CCDC38: variants seen among roughly 807,000 people sequenced by gnomAD.
The protein encoded by CCDC38 is coiled-coil domain containing 38, also known as coiled-coil domain-containing protein 38.
In CCDC38, 69 loss-of-function variants were observed where a neutral mutation model predicts 72.8. The observed-to-expected ratio is 0.95, with a 90% CI of 0.78 to 1.16. The LOEUF (loss-of-function observed/expected upper bound fraction) is 1.16. Ranked by LOEUF, CCDC38 falls within the 50% of genes most tolerant of loss-of-function variation. The probability of loss-of-function intolerance (pLI) is 0.00; values close to 1 mark genes in which losing one functional copy is unlikely to be tolerated. For synonymous variants in CCDC38, 201 were observed against 213.2 expected, an observed-to-expected ratio of 0.94 and a Z score of 0.50; for missense variants, 626 against 638.9, an observed-to-expected ratio of 0.98 and a Z score of 0.22.
intron 14 of CCDC38, among the ~76,000 whole-genome samples, chr12:95,871,656 C>A (rs1225429898): frequency 2.3e-5 from 1 of 43,268 alleles, no homozygotes; most frequent in Non-Finnish European, 5.6e-5. Flanking sequence ...TGATAATCCT[C>A]ATGAGGTTGT....
chr12:95,932,284 A>T (rs1267674782), intron 2 of CCDC38, among the ~76,000 whole-genome samples: 1 of 152,170 alleles, frequency 6.6e-6, no homozygotes, highest in African/African-American at 2.4e-5. Context: ...TTGGGTTCTG[A>T]GTACATTCTG....
intron 2 of CCDC38, chr12:95,935,590 C>A: frequency 4.1e-6 from 1 of 245,416 alleles, no homozygotes; most frequent in Non-Finnish European, 8.6e-6. Context: ...CTGTCTCTTG[C>A]AGCCAAACTT....
intron 7 of CCDC38, 107 bp downstream of exon 7, chr12:95,898,278 C>T: frequency 9.3e-7 from 1 of 1,078,432 alleles, no homozygotes; most frequent in Non-Finnish European, 1.4e-6. Context: ...ATACTTATGA[C>T]ATCATCAACT....
chr12:95,877,614 T>C (rs990794086), intron 13 of CCDC38, among the ~76,000 whole-genome samples: 1 of 152,190 alleles, frequency 6.6e-6, no homozygotes, highest in Non-Finnish European at 1.5e-5. Flanking sequence ...AACAAACATT[T>C]ATTGAGCACC....
chr12:95,914,313 G>T (rs1158038851), intron 4 of CCDC38, among the ~76,000 whole-genome samples: 1 of 152,200 alleles, frequency 6.6e-6, no homozygotes, highest in African/African-American at 2.4e-5. Flanking sequence ...GACAGAGAAA[G>T]ACTCCGTCTC....
intron 3 of CCDC38, among the ~76,000 whole-genome samples, chr12:95,918,604 G>A (rs1592793683): frequency 2.6e-5 from 4 of 152,206 alleles, no homozygotes; most frequent in African/African-American, 9.7e-5. Context: ...GTGTGTGTTG[G>A]AATCAATGAA....
intron 2 of CCDC38, among the ~76,000 whole-genome samples, chr12:95,932,751 T>C (rs1235874194): frequency 6.6e-6 from 1 of 152,072 alleles, no homozygotes; most frequent in African/African-American, 2.4e-5. Flanking sequence ...CCCATACGAG[T>C]TTCTCTAAAT....
Position 95,888,357 on chromosome 12 carries a change from A to C in CCDC38, c.920+101T>G, listed in dbSNP as rs554494622. The C allele has an allele frequency of 9.3e-5, 94 of 1,015,620 alleles. 1 individual carries two copies. The African/African-American group carries it at 1.3e-3, about 14-fold the overall frequency. 62.9% of individuals were successfully genotyped at this position (1,015,620 alleles called of 1,614,324 possible). On this transcript the variant is annotated intron_variant, in intron 10 of 15. Transcript: ENST00000344280. ...CACTACTTCCAGGATCTCTTACAAC[A>C]GTTATGGGTACATGACATATATGTT...
chr12:95,870,145 G>T (rs2079565524), intron 14 of CCDC38, among the ~76,000 whole-genome samples: 1 of 152,118 alleles, frequency 6.6e-6, no homozygotes, highest in African/African-American at 2.4e-5. Flanking sequence ...TCAGCTACTT[G>T]TTCCTCTTTT....
intron 1 of CCDC38, among the ~76,000 whole-genome samples, chr12:95,940,810 C>T (rs2080441604): frequency 6.6e-6 from 1 of 151,886 alleles, no homozygotes; most frequent in Admixed American, 6.6e-5. Context: ...GCACTGCTGG[C>T]GTCAGGCTAT....
intron 14 of CCDC38, chr12:95,869,850 G>T (rs2079561797): frequency 3.3e-6 from 1 of 302,488 alleles, no homozygotes; most frequent in African/African-American, 2.4e-5. Flanking sequence ...CAGAGACAGA[G>T]TCTCAGTCTG....
intron 7 of CCDC38, among the ~76,000 whole-genome samples, chr12:95,895,560 T>A (rs113005939): frequency 9.2e-4 from 139 of 151,772 alleles, no homozygotes; most frequent in African/African-American, 3.1e-3. Flanking sequence ...AAGACCAGCC[T>A]GGCCAACATG....
intron 4 of CCDC38, among the ~76,000 whole-genome samples, chr12:95,912,712 A>G (rs529932221): frequency 6.6e-5 from 10 of 152,326 alleles, no homozygotes; most frequent in African/African-American, 2.2e-4. Context: ...GTATTGAAAC[A>G]TCACACCATA....
chr12:95,924,811 G>T (rs2080250723), intron 2 of CCDC38, among the ~76,000 whole-genome samples: 1 of 144,286 alleles, frequency 6.9e-6, no homozygotes, highest in African/African-American at 2.6e-5. Context: ...TTTCCCCATT[G>T]CTTGTTTTTC....
chr12:95,925,920 A>G (rs1053486065), intron 2 of CCDC38, among the ~76,000 whole-genome samples: 9 of 131,312 alleles, frequency 6.9e-5, no homozygotes, highest in Non-Finnish European at 1.1e-4. Flanking sequence ...AAGCTTTTTG[A>G]TGTGCTGCTG....
At chr12:95,914,189 G>C (rs12366845) in intron 4 of CCDC38, among the ~76,000 whole-genome samples, 14,000 of 152,248 alleles carry the variant, frequency 0.092, 809 homozygotes, top group Non-Finnish European at 0.12. Context: ...GCCAGGTATA[G>C]TGGCATGTGC....
intron 2 of CCDC38, among the ~76,000 whole-genome samples, chr12:95,922,014 A>G (rs1453171219): frequency 1.3e-5 from 2 of 152,230 alleles, no homozygotes; most frequent in Admixed American, 6.5e-5. Context: ...ATCCAGGACT[A>G]AGAGCTAGTG....
intron 4 of CCDC38, among the ~76,000 whole-genome samples, chr12:95,908,372 G>T (rs1220170323): frequency 6.8e-6 from 1 of 147,276 alleles, no homozygotes; most frequent in African/African-American, 2.5e-5. Context: ...TGAGGCAGGA[G>T]AATCAGGCAG....
intron 8 of CCDC38, among the ~76,000 whole-genome samples, chr12:95,892,024 G>C (rs1391909134): frequency 6.6e-6 from 1 of 150,962 alleles, no homozygotes; most frequent in Non-Finnish European, 1.5e-5. Context: ...CAGGTAGTAA[G>C]CTGAGGCAAT....
Sources: gnomAD v4.1 joint callset for allele counts (sites outside exome capture counted in the v4.1 genomes callset) on GRCh38, gnomAD v4.1.1 for gene constraint, MANE v1.5 for transcripts, NCBI Gene and HGNC (gene_info 2026-07-23, HGNC 2026-07-21) for gene names.